Variants in PRKCH observed in about 807,000 individuals in gnomAD.
PRKCH encodes protein kinase C eta type.
PRKCH carries 28 observed loss-of-function variants against 82.5 expected under a neutral mutation model. The observed-to-expected ratio is 0.34, with a 90% CI of 0.25 to 0.47. The LOEUF (loss-of-function observed/expected upper bound fraction) is 0.47, where lower values mean the gene tolerates loss of function less well. PRKCH is among the 20% of genes least tolerant of loss of function. The pLI, the probability that PRKCH is intolerant of heterozygous loss-of-function variation, is 1.00. For synonymous variants in PRKCH, 322 were observed against 327.4 expected (o/e 0.98, Z 0.18); for missense variants, 705 against 881.8 (o/e 0.80, Z 2.54).
chr14:61,510,367 C>T (rs1230422892), intron 10 of PRKCH, among the ~76,000 whole-genome samples: 1 of 151,826 alleles, frequency 6.6e-6, no homozygotes, highest in Non-Finnish European at 1.5e-5. Context: ...TCTCATAGGT[C>T]AGGCAAGAAA....
chr14:61,402,723 A>T (rs1197629873), intron 2 of PRKCH, among the ~76,000 whole-genome samples: 1 of 152,030 alleles, frequency 6.6e-6, no homozygotes, highest in African/African-American at 2.4e-5. Context: ...CACTTGAACC[A>T]GGGAGTCAGA....
intron 9 of PRKCH, among the ~76,000 whole-genome samples, chr14:61,466,798 G>A (rs140185001): frequency 2.0e-5 from 3 of 151,818 alleles, no homozygotes; most frequent in Non-Finnish European, 4.4e-5. Flanking sequence ...GCCTCCTCCC[G>A]CTCCTCTGCC....
At position 61,322,650 on chromosome 14, in the gene PRKCH, G is replaced by A. The variant is rs867925697; in HGVS notation, c.363+186G>A. ...CCGCGGTGGGTGTGTGCAGGCGCAG[G>A]TGTGTCTCCAGGAAGCCGGCCTGGA... On this transcript the variant is annotated intron_variant, in intron 1 of 13. Coordinates refer to ENST00000332981, the MANE Select transcript of PRKCH (RefSeq NM_006255.5). The A allele has an allele frequency of 7.7e-6, 6 of 784,236 alleles. No homozygotes were observed. The Middle Eastern group carries it at 1.1e-3, about 149-fold the overall frequency. 48.6% of individuals were successfully genotyped at this position (784,236 alleles called of 1,614,324 possible).
chr14:61,499,525 A>G (rs1886806662), intron 10 of PRKCH, among the ~76,000 whole-genome samples: 1 of 151,876 alleles, frequency 6.6e-6, no homozygotes, highest in Non-Finnish European at 1.5e-5. Context: ...CTCCCTTTTC[A>G]CTGCTCCTCT....
chr14:61,348,587 G>C (rs1385483919), intron 1 of PRKCH, among the ~76,000 whole-genome samples: 2 of 152,212 alleles, frequency 1.3e-5, no homozygotes, highest in Non-Finnish European at 2.9e-5. Context: ...CTTAATTTTA[G>C]TTAGCCATGC....
intron 1 of PRKCH, among the ~76,000 whole-genome samples, chr14:61,309,682 T>A (rs2045506864): frequency 6.6e-6 from 1 of 152,140 alleles, no homozygotes; most frequent in African/African-American, 2.4e-5. Flanking sequence ...AATATTTGGA[T>A]CATCTAACTC....
intron 1 of PRKCH, among the ~76,000 whole-genome samples, chr14:61,260,256 A>T (rs768768560): frequency 6.6e-6 from 1 of 152,226 alleles, no homozygotes; most frequent in African/African-American, 2.4e-5. Context: ...TATGTAGTGT[A>T]ATTGCATTGT....
chr14:61,233,825 A>C (rs986681527), intron 1 of PRKCH, among the ~76,000 whole-genome samples: 1 of 152,234 alleles, frequency 6.6e-6, no homozygotes, highest in Non-Finnish European at 1.5e-5. Context: ...ACTGTGAGTC[A>C]ATTAAGCCTC....
At chr14:61,416,787 G>T (rs909229623) in intron 2 of PRKCH, among the ~76,000 whole-genome samples, 1 of 152,076 alleles carries the variant, frequency 6.6e-6, no homozygotes, top group Non-Finnish European at 1.5e-5. Context: ...AGAATAGTCT[G>T]CCACCTGAAA....
chr14:61,496,977 A>G (rs1186199222), intron 10 of PRKCH, among the ~76,000 whole-genome samples: 1 of 152,112 alleles, frequency 6.6e-6, no homozygotes, highest in Non-Finnish European at 1.5e-5. Flanking sequence ...TTTTCTCATA[A>G]CTCAAAGCAG....
chr14:61,353,829 TG>T (rs748407029), intron 1 of PRKCH: 1 of 152,106 alleles, frequency 6.6e-6, no homozygotes, highest in African/African-American at 2.4e-5. Flanking sequence ...CCTAGCTACA[TG>T]GGACACTGAG....
chr14:61,459,768 G>A (rs1884947086), intron 9 of PRKCH, among the ~76,000 whole-genome samples: 1 of 152,182 alleles, frequency 6.6e-6, no homozygotes, highest in Non-Finnish European at 1.5e-5. Context: ...TATATATACA[G>A]CACATATATG....
chr14:61,257,631 C>CA (rs2045010075), intron 1 of PRKCH, among the ~76,000 whole-genome samples: 1,654 of 42,194 alleles, frequency 0.039, 66 homozygotes, highest in African/African-American at 0.11. Context: ...ACACACACAC[C>CA]CCCACACACA....
At chr14:61,286,556 C>T (rs1377741212) in intron 1 of PRKCH, among the ~76,000 whole-genome samples, 1 of 152,004 alleles carries the variant, frequency 6.6e-6, no homozygotes, top group East Asian at 1.9e-4. Context: ...GCGGGTGGAT[C>T]ACCTGAGGTC....
chr14:61,287,889 T>A (rs1374838576), intron 1 of PRKCH, among the ~76,000 whole-genome samples: 1 of 152,104 alleles, frequency 6.6e-6, no homozygotes, highest in South Asian at 2.1e-4. Context: ...GTAGTGAAAC[T>A]CACTGGTTTG....
intron 9 of PRKCH, among the ~76,000 whole-genome samples, chr14:61,478,050 A>T (rs1398813482): frequency 6.6e-6 from 1 of 152,242 alleles, no homozygotes; most frequent in East Asian, 1.9e-4. Context: ...TGCCTCATGC[A>T]TCAGGCCCTT....
chr14:61,396,276 G>A (rs2046781841), intron 2 of PRKCH, among the ~76,000 whole-genome samples: 1 of 151,672 alleles, frequency 6.6e-6, no homozygotes, highest in South Asian at 2.1e-4. Flanking sequence ...ATTGGACGGT[G>A]GTCTGTGATA....
At chr14:61,369,926 G>GTA (rs1342038224) in intron 1 of PRKCH, among the ~76,000 whole-genome samples, 6 of 151,968 alleles carry the variant, frequency 3.9e-5, no homozygotes, top group East Asian at 1.9e-4. Context: ...GTTTATATGT[G>GTA]TATATATATG....
At chr14:61,408,962 G>A (rs1882110219) in intron 2 of PRKCH, among the ~76,000 whole-genome samples, 1 of 152,200 alleles carries the variant, frequency 6.6e-6, no homozygotes, top group Non-Finnish European at 1.5e-5. Flanking sequence ...GGTCGGGAAG[G>A]TGTAGGAGGG....
Sources: allele counts gnomAD v4.1 joint callset (sites outside exome capture counted in the v4.1 genomes callset), GRCh38; gene constraint gnomAD v4.1.1; transcripts MANE v1.5; gene names NCBI Gene and HGNC (gene_info 2026-07-23, HGNC 2026-07-21).